Variants in TENM1 observed in about 807,000 individuals in gnomAD.
TENM1 encodes teneurin transmembrane protein 1, also known as teneurin-1.
Under a neutral mutation model 174.8 loss-of-function variants are expected in TENM1, and 35 were observed. The observed-to-expected ratio is 0.20, with a 90% confidence interval of 0.15 to 0.27. TENM1 has a LOEUF of 0.27. Ranked by LOEUF, TENM1 falls within the 10% of genes least tolerant of loss-of-function variation. The pLI, the probability that TENM1 is intolerant of heterozygous loss-of-function variation, is 1.00. For synonymous variants in TENM1, 781 were observed against 798.7 expected (o/e 0.98, Z 0.37); for missense variants, 1,633 against 2,130.1 (o/e 0.77, Z 4.59).
chrX:124,738,078 ATTAAACCCCT>A (rs1391515092), intron 3 of TENM1, among the ~76,000 whole-genome samples: 1 of 111,953 alleles, frequency 8.9e-6, no homozygotes, highest in African/African-American at 3.2e-5. Flanking sequence ...AAATACCTCA[ATTAAACCCCT>A]TTAAAAAGAA....
At chrX:124,587,812 G>C (rs1372962896) in intron 11 of TENM1, among the ~76,000 whole-genome samples, 1 of 111,335 alleles carries the variant, frequency 9.0e-6, no homozygotes, top group Non-Finnish European at 1.9e-5. Context: ...CTAATATCCA[G>C]AATCTACAAA....
At chrX:124,687,857 C>CA (rs1403746891) in intron 5 of TENM1, among the ~76,000 whole-genome samples, 1 of 112,523 alleles carries the variant, frequency 8.9e-6, no homozygotes, top group African/African-American at 3.2e-5. Context: ...CTAAAAATGT[C>CA]AGACTCATAG....
the TENM1 span, among the ~76,000 whole-genome samples, chrX:125,117,775 G>T: frequency 4.5e-5 from 5 of 111,402 alleles, no homozygotes; most frequent in Non-Finnish European, 9.4e-5. Context: ...TACTATTGGT[G>T]GGAACATAAA....
At chrX:124,509,745 A>T (rs1602566540) in intron 18 of TENM1, among the ~76,000 whole-genome samples, 1 of 83,084 alleles carries the variant, frequency 1.2e-5, no homozygotes. Flanking sequence ...TTTTAGACAG[A>T]GTTTCACTCT....
At chrX:125,025,585 T>A in the TENM1 span, among the ~76,000 whole-genome samples, 1 of 111,190 alleles carries the variant, frequency 9.0e-6, no homozygotes, top group Non-Finnish European at 1.9e-5. Flanking sequence ...CAGAGGTGTG[T>A]CCATGATAAA....
chrX:124,571,660 A>C (rs1270800501), intron 11 of TENM1, among the ~76,000 whole-genome samples: 1 of 112,212 alleles, frequency 8.9e-6, no homozygotes, highest in Non-Finnish European at 1.9e-5. Context: ...AAAATAAATT[A>C]GAGACTGCTA....
At chrX:124,703,786 T>C (rs2052831661) in intron 5 of TENM1, among the ~76,000 whole-genome samples, 1 of 112,236 alleles carries the variant, frequency 8.9e-6, no homozygotes, top group Non-Finnish European at 1.9e-5. Context: ...CATGTTGGGT[T>C]ATCCTGAAAT....
At chrX:125,141,149 G>A in the TENM1 span, among the ~76,000 whole-genome samples, 1 of 112,013 alleles carries the variant, frequency 8.9e-6, no homozygotes, top group African/African-American at 3.2e-5. Flanking sequence ...AAAAGAGGAT[G>A]TATTTATAAG....
chrX:124,868,346 T>G (rs2057045741), intron 3 of TENM1, among the ~76,000 whole-genome samples: 1 of 111,685 alleles, frequency 9.0e-6, no homozygotes, highest in Admixed American at 9.5e-5. Context: ...TAAACTCATT[T>G]TTGACAAGGG....
At chrX:124,945,736 T>A (rs1162034708) in intron 1 of TENM1, among the ~76,000 whole-genome samples, 1 of 111,251 alleles carries the variant, frequency 9.0e-6, no homozygotes, top group Non-Finnish European at 1.9e-5. Flanking sequence ...TTTTGAATAT[T>A]GTCTCAGCTT....
At chrX:125,125,748 G>A in the TENM1 span, among the ~76,000 whole-genome samples, 1 of 111,785 alleles carries the variant, frequency 8.9e-6, no homozygotes, top group Non-Finnish European at 1.9e-5. Context: ...CTATCTTGAG[G>A]AGGCAGGTTC....
At chrX:124,590,509 T>C (rs1216336259) in intron 11 of TENM1, among the ~76,000 whole-genome samples, 1 of 111,227 alleles carries the variant, frequency 9.0e-6, no homozygotes, top group Non-Finnish European at 1.9e-5. Flanking sequence ...GAACATTCCA[T>C]GCTCATGGGT....
the TENM1 span, among the ~76,000 whole-genome samples, chrX:125,164,238 T>A: frequency 9.0e-6 from 1 of 111,571 alleles, no homozygotes; most frequent in South Asian, 3.7e-4. Flanking sequence ...TATAGCTAAC[T>A]GCAATACCCT....
chrX:124,665,489 GAATT>G (rs775819241), intron 6 of TENM1, among the ~76,000 whole-genome samples: 127 of 112,731 alleles, frequency 1.1e-3, no homozygotes, highest in African/African-American at 3.9e-3. Context: ...AGGAAACTGG[GAATT>G]AATTGTTTGA....
chrX:124,622,945 G>C lies in TENM1; in HGVS notation c.2077+18846C>G, dbSNP rs751507581. Among the ~76,000 whole-genome samples the C allele has an allele frequency of 4.0e-4, 45 of 111,676 alleles. 1 individual carries two copies. The highest frequency in any genetic ancestry group is 1.5e-3 in the African/African-American group (45 of 30,792). ...TTTTAAAGGGCATGAACACAATTTA[G>C]GGCCTTTAAAATTTTCTGCCCTCTC... On this transcript the variant is annotated intron_variant, in intron 11 of 31. Transcript: ENST00000422452.
the TENM1 span, among the ~76,000 whole-genome samples, chrX:125,072,457 A>AAG: frequency 1.8e-5 from 2 of 111,820 alleles, no homozygotes; most frequent in Non-Finnish European, 3.8e-5. Flanking sequence ...CCAAGACATG[A>AAG]AGAGTTACCT....
At chrX:124,582,189 C>T (rs1169590750) in intron 11 of TENM1, among the ~76,000 whole-genome samples, 4 of 112,287 alleles carry the variant, frequency 3.6e-5, no homozygotes, top group African/African-American at 1.3e-4. Flanking sequence ...CCAACTCCAT[C>T]CATGCCCCTG....
chrX:124,753,015 T>C (rs866048609), intron 3 of TENM1, among the ~76,000 whole-genome samples: 3 of 111,258 alleles, frequency 2.7e-5, no homozygotes, highest in Non-Finnish European at 5.7e-5. Flanking sequence ...TTTTTTCCAA[T>C]TGTGTGAAGA....
chrX:124,555,976 C>T (rs1013974704), intron 14 of TENM1, among the ~76,000 whole-genome samples: 1 of 111,613 alleles, frequency 9.0e-6, no homozygotes, highest in African/African-American at 3.3e-5. Context: ...ACTGTTACTC[C>T]CAGATCAGCA....
Sources: allele counts gnomAD v4.1 joint callset (sites outside exome capture counted in the v4.1 genomes callset), GRCh38; gene constraint gnomAD v4.1.1; transcripts MANE v1.5; gene names NCBI Gene and HGNC (gene_info 2026-07-23, HGNC 2026-07-21).